The following EPHA3 variants were observed in gnomAD, a reference collection of about 807,000 sequenced individuals.
EPHA3 encodes the protein ephrin type-A receptor 3.
EPHA3 carries 42 observed loss-of-function variants against 107.1 expected under a neutral mutation model. That is an observed-to-expected ratio of 0.39 (90% CI 0.31 to 0.51). EPHA3 has a LOEUF of 0.51. EPHA3 is among the 20% of genes least tolerant of loss of function. The pLI, the probability that EPHA3 is intolerant of heterozygous loss-of-function variation, is 0.78. For synonymous variants in EPHA3, 461 were observed against 424.8 expected, an observed-to-expected ratio of 1.09 and a Z score of -1.05; for missense variants, 1,183 against 1,211.2, an observed-to-expected ratio of 0.98 and a Z score of 0.35.
At chr3:89,192,519 A>G (rs1390239563) in intron 2 of EPHA3, among the ~76,000 whole-genome samples, 2 of 152,094 alleles carry the variant, frequency 1.3e-5, no homozygotes, top group Non-Finnish European at 2.9e-5. Context: ...ATGTATACAC[A>G]TCAAGTAGAA....
chr3:89,176,717 A>G lies in EPHA3; in HGVS notation c.154-33143A>G, dbSNP rs148642663. ...GAATCATAGTGTTACAAATGTATTT[A>G]ACTATAAGTTTATTAATACATACAT... On this transcript the variant is annotated intron_variant, in intron 2 of 16. Transcript: ENST00000336596. 2.6e-4 allele frequency among the ~76,000 whole-genome samples: 40 copies of G among 152,204 alleles called. No individual in the cohort carries two copies. In the East Asian group the frequency reaches 7.0e-3, roughly 26 times the overall value.
intron 3 of EPHA3, among the ~76,000 whole-genome samples, chr3:89,290,675 A>G (rs1160011902): frequency 1.3e-5 from 2 of 152,128 alleles, no homozygotes; most frequent in African/African-American, 2.4e-5. Flanking sequence ...CACAATCTCT[A>G]GTTAATTTTA....
At chr3:89,346,777 C>G (rs1342664443) in intron 5 of EPHA3, among the ~76,000 whole-genome samples, 1 of 146,048 alleles carries the variant, frequency 6.8e-6, no homozygotes, top group Non-Finnish European at 1.5e-5. Context: ...TTTAATCCAT[C>G]TTGAATTGAT....
At chr3:89,301,213 T>C (rs1364349839) in intron 3 of EPHA3, among the ~76,000 whole-genome samples, 6 of 152,124 alleles carry the variant, frequency 3.9e-5, no homozygotes, top group Non-Finnish European at 7.4e-5. Context: ...CTCATGGCGA[T>C]GCAGAAAAGA....
At chr3:89,324,766 T>C (rs1351980388) in intron 3 of EPHA3, among the ~76,000 whole-genome samples, 5 of 152,156 alleles carry the variant, frequency 3.3e-5, no homozygotes, top group Non-Finnish European at 7.4e-5. Context: ...GGCTATATTG[T>C]GTGATGCTGA....
intron 3 of EPHA3, among the ~76,000 whole-genome samples, chr3:89,290,050 G>T (rs1415477016): frequency 6.6e-6 from 1 of 152,056 alleles, no homozygotes; most frequent in Non-Finnish European, 1.5e-5. Context: ...TTTTATCAAA[G>T]ATAATGTCAA....
intron 2 of EPHA3, among the ~76,000 whole-genome samples, chr3:89,148,606 T>C (rs1029846074): frequency 1.3e-5 from 2 of 152,032 alleles, no homozygotes; most frequent in Admixed American, 1.3e-4. Flanking sequence ...TTTTAAACTT[T>C]GTGATGACAT....
intron 2 of EPHA3, among the ~76,000 whole-genome samples, chr3:89,129,178 T>C (rs1704149181): frequency 6.6e-6 from 1 of 152,206 alleles, no homozygotes; most frequent in African/African-American, 2.4e-5. Flanking sequence ...CCCAATTTAC[T>C]GTCTCTTTGT....
At chr3:89,305,372 T>C (rs948462907) in intron 3 of EPHA3, among the ~76,000 whole-genome samples, 3 of 152,158 alleles carry the variant, frequency 2.0e-5, no homozygotes, top group Non-Finnish European at 4.4e-5. Context: ...AAATACAGAA[T>C]TGACAAGCTT....
chr3:89,392,976 A>G (rs1242242079), intron 5 of EPHA3, among the ~76,000 whole-genome samples: 1 of 152,160 alleles, frequency 6.6e-6, no homozygotes, highest in Non-Finnish European at 1.5e-5. Context: ...ATTATGTTTT[A>G]TTATGTCCAC....
At chr3:89,313,021 T>C (rs1706803608) in intron 3 of EPHA3, among the ~76,000 whole-genome samples, 1 of 152,050 alleles carries the variant, frequency 6.6e-6, no homozygotes, top group African/African-American at 2.4e-5. Flanking sequence ...GTCTTTGCTA[T>C]TGTGAATTGT....
intron 9 of EPHA3, among the ~76,000 whole-genome samples, chr3:89,411,619 G>C (rs1576364968): frequency 6.6e-6 from 1 of 151,790 alleles, no homozygotes; most frequent in Non-Finnish European, 1.5e-5. Flanking sequence ...CTCTATGAAA[G>C]CTTCACAAGA....
chr3:89,159,640 T>C (rs1162068100), intron 2 of EPHA3, among the ~76,000 whole-genome samples: 2 of 152,162 alleles, frequency 1.3e-5, no homozygotes, highest in Non-Finnish European at 2.9e-5. Flanking sequence ...TGAGGTGTAT[T>C]TGATGATTGT....
At chr3:89,451,202 G>A (rs1709983338) in intron 15 of EPHA3, among the ~76,000 whole-genome samples, 1 of 152,064 alleles carries the variant, frequency 6.6e-6, no homozygotes, top group Non-Finnish European at 1.5e-5. Context: ...GATGCACAAA[G>A]TCTATTTAAT....
At chr3:89,189,777 T>C (rs925182072) in intron 2 of EPHA3, among the ~76,000 whole-genome samples, 1 of 152,240 alleles carries the variant, frequency 6.6e-6, no homozygotes, top group African/African-American at 2.4e-5. Context: ...TATCTATTTT[T>C]TAAAACTAAA....
chr3:89,307,448 A>G (rs1200162018), intron 3 of EPHA3, among the ~76,000 whole-genome samples: 1 of 152,182 alleles, frequency 6.6e-6, no homozygotes, highest in East Asian at 1.9e-4. Context: ...GCATTATTCA[A>G]CTGGTTAAGT....
rs547727498 is a variant in EPHA3, at chr3:89,351,572, G to A, written c.1306+9482G>A. On this transcript the variant is annotated intron_variant, in intron 5 of 16. Transcript: ENST00000336596. ...TCAGATGGAAATGCAGAAATCACCC[G>A]TCTTCTGCGTCGCTCACGCTGGGAG... Among the ~76,000 whole-genome samples, 34 of 151,132 alleles carry A rather than the reference G, an allele frequency of 2.2e-4. 1 individual carries two copies. Among genetic ancestry groups the A allele is most frequent in the East Asian group, 1.6e-3 (8 of 5,148 alleles).
intron 15 of EPHA3, among the ~76,000 whole-genome samples, chr3:89,453,536 A>T (rs1710036954): frequency 1.3e-5 from 2 of 152,152 alleles, no homozygotes; most frequent in African/African-American, 4.8e-5. Context: ...AACCATCTCA[A>T]TGTACAGAAT....
At position 89,466,802 on chromosome 3, in the gene EPHA3, C is replaced by T. The variant is rs1240488937; in HGVS notation, c.2691-5662C>T. Among the ~76,000 whole-genome samples, 6 of 119,984 alleles carry T rather than the reference C, an allele frequency of 5.0e-5. 1 individual carries two copies. The highest frequency in any genetic ancestry group is 1.5e-4 in the African/African-American group (5 of 32,340). The allele number at this position is 119,984 out of a possible 152,430, so 78.7% of individuals were successfully genotyped here. ...AAATCACCGTCTTATGCGTCGCTCACGCTGGGAGCTGTAGACCGGAGCTGT... is the reference window on the plus strand; with the variant it reads ...AAATCACCGTCTTATGCGTCGCTCATGCTGGGAGCTGTAGACCGGAGCTGT... On this transcript the variant is annotated intron_variant, in intron 15 of 16. Coordinates refer to ENST00000336596, the MANE Select transcript of EPHA3 (RefSeq NM_005233.6).
Sources: gnomAD v4.1 joint callset for allele counts (sites outside exome capture counted in the v4.1 genomes callset) on GRCh38, gnomAD v4.1.1 for gene constraint, MANE v1.5 for transcripts, NCBI Gene and HGNC (gene_info 2026-07-23, HGNC 2026-07-21) for gene names.